MOK: variants seen among roughly 807,000 people sequenced by gnomAD.
MOK encodes the protein MOK protein kinase, also known as MAPK/MAK/MRK overlapping kinase.
A neutral mutation model predicts 54.2 loss-of-function variants in MOK; 59 were observed. The observed-to-expected ratio is 1.09, with a 90% CI of 0.88 to 1.35. The LOEUF is 1.35. Ranked by LOEUF, MOK falls within the 40% of genes most tolerant of loss-of-function variation. MOK has a pLI of 0.00. For missense variants in MOK, 517 were observed against 526.2 expected, an observed-to-expected ratio of 0.98 and a Z score of 0.17; for synonymous variants, 210 against 202.7, an observed-to-expected ratio of 1.04 and a Z score of -0.31.
intron 2 of MOK, among the ~76,000 whole-genome samples, chr14:102,269,265 C>T (rs1029936720): frequency 6.6e-6 from 1 of 151,834 alleles, no homozygotes; most frequent in African/African-American, 2.4e-5. Flanking sequence ...AGGCTCACTG[C>T]AACCTCCACC....
At chr14:102,299,407 C>T (rs764568742) in intron 1 of MOK, among the ~76,000 whole-genome samples, 4 of 151,846 alleles carry the variant, frequency 2.6e-5, no homozygotes, top group East Asian at 2.0e-4. Flanking sequence ...CCCAGCTACT[C>T]GGGAGGCTGA....
intron 2 of MOK, among the ~76,000 whole-genome samples, chr14:102,277,866 T>G (rs1278869201): frequency 6.6e-6 from 1 of 152,176 alleles, no homozygotes; most frequent in Non-Finnish European, 1.5e-5. Context: ...ATACAAATTT[T>G]GACTTTAAAA....
At chr14:102,227,706 T>C (rs2064309365), downstream of MOK, among the ~76,000 whole-genome samples, 1 of 151,948 alleles carries the variant, frequency 6.6e-6, no homozygotes. Context: ...TGGTGCAGAG[T>C]GGGCACCTGT....
At position 102,235,308 on chromosome 14, in the gene MOK, C is replaced by T. The variant is rs1434431469; in HGVS notation, c.591-1519G>A. 1 of 152,282 alleles carries T rather than the reference C, an allele frequency of 6.6e-6. No individual in the cohort carries two copies. The highest frequency in any genetic ancestry group is 1.5e-5 in the Non-Finnish European group (1 of 68,062). The allele number at this position is 152,282 out of a possible 1,614,324, so 9.4% of individuals were successfully genotyped here. A position where few individuals can be genotyped will look rare whatever the true frequency, so the allele number is the denominator to read the frequency against. On this transcript the variant is annotated intron_variant, in intron 7 of 11. Transcript: ENST00000361847. This position sits in a 1 kb window ranked among gnomAD's most constrained non-coding sequence, Gnocchi z 4.4. ...ATTGAGAAACGTCCAGGTTCTTCTC[C>T]GATCCCGACACTTACATCAAATAAT...
intron 7 of MOK, chr14:102,234,179 C>A: frequency 5.4e-6 from 1 of 186,858 alleles, no homozygotes; most frequent in Non-Finnish European, 1.1e-5. Context: ...ATTCTGGTGC[C>A]GAAACCCGGG....
At chr14:102,287,149 G>C (rs2070213526) in intron 1 of MOK, among the ~76,000 whole-genome samples, 1 of 152,194 alleles carries the variant, frequency 6.6e-6, no homozygotes, top group Non-Finnish European at 1.5e-5. Context: ...GTAAAATGCT[G>C]ATCACTGCTG....
chr14:102,285,096 A>G (rs949934440), intron 1 of MOK, among the ~76,000 whole-genome samples: 3 of 151,850 alleles, frequency 2.0e-5, no homozygotes, highest in Non-Finnish European at 4.4e-5. Context: ...AAAAAAAAAA[A>G]AAAAGAAAAT....
chr14:102,218,473 C>G, the MOK span, among the ~76,000 whole-genome samples: 1 of 152,248 alleles, frequency 6.6e-6, no homozygotes, highest in Non-Finnish European at 1.5e-5. Context: ...ATCTGGCTGT[C>G]AGAATCTCCA....
rs905089476 is a variant in MOK, at chr14:102,240,136, C to T, written c.591-6347G>A. ...ACCTTGTGATCCCCTAGCCCCTGCC[C>T]GCCAGAGAACAACCCCCTTTGACTG... On this transcript the variant is annotated intron_variant, in intron 7 of 11. Transcript: ENST00000361847. This position sits in a 1 kb window ranked among gnomAD's most constrained non-coding sequence, Gnocchi z 5.4. Among the ~76,000 whole-genome samples the T allele has an allele frequency of 1.2e-4, 18 of 152,296 alleles. No homozygotes were observed. Among genetic ancestry groups the T allele is most frequent in the African/African-American group, 3.6e-4 (15 of 41,560 alleles).
intron 1 of MOK, among the ~76,000 whole-genome samples, chr14:102,298,864 C>G (rs2071787231): frequency 6.6e-6 from 1 of 152,180 alleles, no homozygotes; most frequent in African/African-American, 2.4e-5. Flanking sequence ...CCAGCAAGAC[C>G]ACGAACCCAC....
intron 1 of MOK, among the ~76,000 whole-genome samples, chr14:102,284,573 A>G (rs1300706096): frequency 1.3e-5 from 2 of 152,296 alleles, no homozygotes; most frequent in East Asian, 3.9e-4. Context: ...CAGTTGTAAA[A>G]GTTTCTACAG....
At chr14:102,287,762 T>C (rs909645097) in intron 1 of MOK, among the ~76,000 whole-genome samples, 1 of 151,410 alleles carries the variant, frequency 6.6e-6, no homozygotes, top group South Asian at 2.1e-4. Flanking sequence ...CATACATTGC[T>C]GGCAGGAATG....
intron 1 of MOK, among the ~76,000 whole-genome samples, chr14:102,303,636 A>G (rs2072477307): frequency 6.6e-6 from 1 of 152,208 alleles, no homozygotes; most frequent in South Asian, 2.1e-4. Flanking sequence ...TCATTGTTAA[A>G]TTTTCTAAAT....
downstream of MOK, chr14:102,226,229 T>A (rs1434337091): frequency 7.4e-5 from 48 of 644,790 alleles, no homozygotes; most frequent in Middle Eastern, 8.8e-4. The surrounding 1 kb of genome is among the most constrained non-coding windows in gnomAD (Gnocchi z 4.8). Context: ...CCCCTGTGCT[T>A]CTGCCCGGTG....
rs2066005151 is a variant in MOK, at chr14:102,245,265, C to A, written c.590+5547G>T. 6.6e-6 allele frequency among the ~76,000 whole-genome samples: 1 copy of A among 152,074 alleles called. No individual in the cohort carries two copies. Among genetic ancestry groups the A allele is most frequent in the Non-Finnish European group, 1.5e-5 (1 of 68,010 alleles). On this transcript the variant is annotated intron_variant, in intron 7 of 11. Coordinates refer to ENST00000361847, the MANE Select transcript of MOK (RefSeq NM_014226.3). The surrounding 1 kb of genome is among the most constrained non-coding windows in gnomAD (Gnocchi z 4.3). ...TCTCTCCCACTCCAGGTTCCCACGCCACCCCTAATCCCACTCGAAGCAGCC... is the reference window on the plus strand; with the variant it reads ...TCTCTCCCACTCCAGGTTCCCACGCAACCCCTAATCCCACTCGAAGCAGCC...
intron 7 of MOK, among the ~76,000 whole-genome samples, chr14:102,248,319 C>A (rs1319980729): frequency 6.6e-6 from 1 of 152,144 alleles, no homozygotes; most frequent in Non-Finnish European, 1.5e-5. Context: ...ACCTGTCAGA[C>A]CTTGCTGTGA....
Position 102,291,708 on chromosome 14 carries a change from G to A in MOK, c.8-8116C>T, listed in dbSNP as rs2070772468. 2.0e-5 allele frequency among the ~76,000 whole-genome samples: 3 copies of A among 152,274 alleles called. No individual in the cohort carries two copies. In the South Asian group the frequency reaches 6.2e-4, roughly 32 times the overall value. ...GCGGTGGCTCACACCTGTAATCCCA[G>A]CACTTTGGGAGGCCAAGGTGGGCAG... On this transcript the variant is annotated intron_variant, in intron 1 of 11. Transcript: ENST00000361847.
chr14:102,272,000 T>C (rs574034718), intron 2 of MOK, among the ~76,000 whole-genome samples: 1 of 152,234 alleles, frequency 6.6e-6, no homozygotes, highest in African/African-American at 2.4e-5. Context: ...TACCTCAGCC[T>C]CCCAAGTGGC....
intron 1 of MOK, among the ~76,000 whole-genome samples, chr14:102,286,246 C>T (rs1321993480): frequency 1.4e-5 from 2 of 145,490 alleles, no homozygotes; most frequent in East Asian, 4.0e-4. Context: ...CTGCAGTGAG[C>T]CGAGATCGCG....
Sources: gnomAD v4.1 joint callset for allele counts (sites outside exome capture counted in the v4.1 genomes callset) on GRCh38, gnomAD v4.1.1 for gene constraint, Gnocchi (gnomAD v3.1) non-coding constraint, MANE v1.5 for transcripts, NCBI Gene and HGNC (gene_info 2026-07-23, HGNC 2026-07-21) for gene names.